ARFGEF1: variants seen among roughly 807,000 people sequenced by gnomAD.
The protein encoded by ARFGEF1 is ARF guanine nucleotide exchange factor 1, also known as brefeldin A-inhibited guanine nucleotide-exchange protein 1.
Under a neutral mutation model 231.0 loss-of-function variants are expected in ARFGEF1, and 42 were observed. That is an observed-to-expected ratio of 0.18 (90% CI 0.14 to 0.24). The LOEUF (loss-of-function observed/expected upper bound fraction) is 0.24. ARFGEF1 is among the 10% of genes least tolerant of loss of function. ARFGEF1 has a pLI of 1.00. For synonymous variants in ARFGEF1, 710 were observed against 732.3 expected (o/e 0.97, Z 0.49); for missense variants, 1,345 against 2,192.0 (o/e 0.61, Z 7.72).
At chr8:67,300,660 CAAAAAAAAAAA>C (rs200434355) in intron 3 of ARFGEF1, among the ~76,000 whole-genome samples, 264 of 88,670 alleles carry the variant, frequency 3.0e-3, no homozygotes, top group African/African-American at 8.1e-3. Flanking sequence ...CTTGTCTCTT[CAAAAAAAAAAA>C]AAAAAAAAAA....
intron 6 of ARFGEF1, among the ~76,000 whole-genome samples, chr8:67,290,905 A>G (rs1805979153): frequency 6.6e-6 from 1 of 152,128 alleles, no homozygotes; most frequent in Non-Finnish European, 1.5e-5. Flanking sequence ...AGCTGGGGGG[A>G]AAATGTAAAA....
chr8:67,232,022 G>T (rs1405288154), intron 23 of ARFGEF1, among the ~76,000 whole-genome samples: 3 of 151,828 alleles, frequency 2.0e-5, no homozygotes, highest in African/African-American at 4.8e-5. Flanking sequence ...CAAGGAAAAA[G>T]TTCCATGGAG....
At position 67,211,534 on chromosome 8, in the gene ARFGEF1, C is replaced by A. The variant is rs1182543725; in HGVS notation, c.4768G>T (p.Val1590Phe). The A allele has an allele frequency of 1.3e-6, 2 of 1,595,638 alleles. No homozygotes were observed. Among genetic ancestry groups the A allele is most frequent in the South Asian group, 2.3e-5 (2 of 86,640 alleles). ...TCTTCATTAACAGCAGACGCAGAAACCAGTGGTGCTTGTGGTCTGTTATCC... is the reference window on the plus strand; with the variant it reads ...TCTTCATTAACAGCAGACGCAGAAAACAGTGGTGCTTGTGGTCTGTTATCC... ...SVDNRPQAPLVSASAVNEEVS... is the reference protein window; with the variant it reads ...SVDNRPQAPLFSASAVNEEVS... The change falls in exon 34 of 39, where the codon GTT becomes TTT. Residue 1590 changes from valine (V) to phenylalanine (F), a missense_variant. This residue lies in a region of ARFGEF1 where 89 missense variants were observed against 74.8 expected (regional missense o/e 1.19). Coordinates refer to ENST00000262215, the MANE Select transcript of ARFGEF1 (RefSeq NM_006421.5).
At chr8:67,328,376 G>T (rs911558997) in intron 1 of ARFGEF1, among the ~76,000 whole-genome samples, 6 of 152,062 alleles carry the variant, frequency 3.9e-5, no homozygotes, top group Admixed American at 3.3e-4. Context: ...ACTGAGATTT[G>T]TAAGTCTTTT....
chr8:67,219,812 C>G (rs191547744), intron 29 of ARFGEF1, among the ~76,000 whole-genome samples: 58 of 152,150 alleles, frequency 3.8e-4, no homozygotes, highest in Admixed American at 2.4e-3. Flanking sequence ...TTACTCTTAC[C>G]TCACCAATGC....
intron 14 of ARFGEF1, among the ~76,000 whole-genome samples, chr8:67,264,240 T>C (rs565940024): frequency 6.6e-6 from 1 of 152,104 alleles, no homozygotes; most frequent in Non-Finnish European, 1.5e-5. Flanking sequence ...ATTATACTAG[T>C]TGAGGAAATA....
chr8:67,264,655 A>G (rs1236943400), intron 14 of ARFGEF1, among the ~76,000 whole-genome samples: 1 of 152,152 alleles, frequency 6.6e-6, no homozygotes, highest in Non-Finnish European at 1.5e-5. Flanking sequence ...GTCATGAAAC[A>G]GTTGTAGACA....
intron 22 of ARFGEF1, among the ~76,000 whole-genome samples, chr8:67,235,981 AC>A (rs1839719380): frequency 6.6e-6 from 1 of 151,948 alleles, no homozygotes; most frequent in Admixed American, 6.6e-5. Flanking sequence ...TGGAATACTC[AC>A]GGCAGAGATA....
In ARFGEF1 at chr8:67,287,730, T is replaced by C. The variant is rs369614859; in HGVS notation, c.1027+225A>G. On this transcript the variant is annotated intron_variant, in intron 7 of 38. Transcript: ENST00000262215. Reference sequence around the variant, plus strand: ...AATTCTTATTTCCAGACTTAGCTTCTTAAAGCATAGTTCTGGTCATTTCAT... The same window carrying C: ...AATTCTTATTTCCAGACTTAGCTTCCTAAAGCATAGTTCTGGTCATTTCAT... Among the ~76,000 whole-genome samples, 32 of 152,338 alleles carry C rather than the reference T, an allele frequency of 2.1e-4. No individual in the cohort carries two copies. The East Asian group carries it at 5.6e-3, about 27-fold the overall frequency.
At chr8:67,292,315 T>C (rs111650975) in intron 5 of ARFGEF1, among the ~76,000 whole-genome samples, 192 bp from the exon 6 acceptor site, 1 of 152,240 alleles carries the variant, frequency 6.6e-6, no homozygotes, top group African/African-American at 2.4e-5. Flanking sequence ...TGGCTGGAAA[T>C]TGGCACATAA....
intron 1 of ARFGEF1, among the ~76,000 whole-genome samples, chr8:67,332,255 A>C (rs923837396): frequency 6.6e-6 from 1 of 152,216 alleles, no homozygotes; most frequent in African/African-American, 2.4e-5. Context: ...TTCACATAAC[A>C]TAACATTTTA....
At chr8:67,208,441 C>A (rs1264632326) in intron 34 of ARFGEF1, among the ~76,000 whole-genome samples, 1 of 152,004 alleles carries the variant, frequency 6.6e-6, no homozygotes, top group South Asian at 2.1e-4. Flanking sequence ...ACGAGCCTGG[C>A]CAACATGGCG....
Position 67,198,216 on chromosome 8 carries a change from TCAC to T in ARFGEF1, c.*715_*717del. ...TTCTGGGCATGTTACAGCCTCAAAA[TCAC>T]CACCTACCAAAAAGGGCAAAACTAA... On this transcript the variant is annotated 3_prime_UTR_variant, in exon 39 of 39. Coordinates refer to ENST00000262215, the MANE Select transcript of ARFGEF1 (RefSeq NM_006421.5). The T allele has an allele frequency of 1.0e-6, 1 of 985,588 alleles. No individual in the cohort carries two copies. The highest frequency in any genetic ancestry group is 1.2e-6 in the Non-Finnish European group (1 of 829,896). The allele number at this position is 985,588 out of a possible 1,614,324, so 61.1% of individuals were successfully genotyped here. A position where few individuals can be genotyped will look rare whatever the true frequency, so the allele number is the denominator to read the frequency against.
rs538344327 is a variant in ARFGEF1 at position 67,275,316 on chromosome 8, G to A, written c.1337+660C>T. 5.9e-4 allele frequency among the ~76,000 whole-genome samples: 89 copies of A among 152,010 alleles called. No individual in the cohort carries two copies. The South Asian group carries it at 7.1e-3, about 12-fold the overall frequency. ...AAGTAATTAGTTACATTTGAATCAC[G>A]AGAGATACTTGACCATTTATGACTT... On this transcript the variant is annotated intron_variant, in intron 9 of 38. Transcript: ENST00000262215.
chr8:67,300,074 T>C (rs1374753812), intron 3 of ARFGEF1, among the ~76,000 whole-genome samples: 1 of 152,330 alleles, frequency 6.6e-6, no homozygotes, highest in Non-Finnish European at 1.5e-5. Context: ...CCCCAATCTC[T>C]TTCCAAATGA....
intron 22 of ARFGEF1, among the ~76,000 whole-genome samples, chr8:67,236,547 A>G (rs1377595525): frequency 6.6e-6 from 1 of 151,738 alleles, no homozygotes; most frequent in East Asian, 1.9e-4. Context: ...AAGGGTAGCC[A>G]TTTGCCACAT....
At chr8:67,326,660 C>A (rs111269934) in intron 1 of ARFGEF1, among the ~76,000 whole-genome samples, 1 of 152,172 alleles carries the variant, frequency 6.6e-6, no homozygotes, top group African/African-American at 2.4e-5. Context: ...TAAGTCCTCA[C>A]TTAACATTGT....
intron 1 of ARFGEF1, among the ~76,000 whole-genome samples, chr8:67,308,210 T>A (rs1409220873): frequency 6.6e-6 from 1 of 152,134 alleles, no homozygotes; most frequent in East Asian, 1.9e-4. Flanking sequence ...GCATGCCCCA[T>A]CTGAATTCCT....
At chr8:67,199,757 G>C (rs954358231) in intron 38 of ARFGEF1, 1 of 156,736 alleles carries the variant, frequency 6.4e-6, no homozygotes. Flanking sequence ...CACATCACTA[G>C]GCATTTTTAA....
Sources: gnomAD v4.1 joint callset for allele counts (sites outside exome capture counted in the v4.1 genomes callset) on GRCh38, gnomAD v4.1.1 for gene constraint, gnomAD v4.1.1 regional missense constraint, MANE v1.5 for transcripts, NCBI Gene and HGNC (gene_info 2026-07-23, HGNC 2026-07-21) for gene names.